The following CNTNAP2 variants were observed in gnomAD, a reference collection of about 807,000 sequenced individuals.
CNTNAP2 encodes contactin associated protein 2, also known as contactin-associated protein-like 2.
CNTNAP2 carries 98 observed loss-of-function variants against 155.2 expected under a neutral mutation model. That is an observed-to-expected ratio of 0.63 (90% CI 0.54 to 0.75). CNTNAP2 has a LOEUF of 0.75. Among genes scored for constraint, CNTNAP2 ranks in the 30% least tolerant of loss-of-function variants. The pLI is 0.00. For missense variants in CNTNAP2, 1,727 were observed against 1,688.1 expected (o/e 1.02, Z -0.40); for synonymous variants, 651 against 631.2 (o/e 1.03, Z -0.47).
At chr7:146,947,480 C>CTA (rs1182294049) in intron 3 of CNTNAP2, among the ~76,000 whole-genome samples, 13 of 122,982 alleles carry the variant, frequency 1.1e-4, no homozygotes, top group African/African-American at 3.5e-4. Context: ...TATATATATA[C>CTA]TATATATATA....
intron 4 of CNTNAP2, among the ~76,000 whole-genome samples, chr7:147,053,123 A>G (rs1240700937): frequency 1.3e-5 from 2 of 152,118 alleles, no homozygotes; most frequent in South Asian, 2.1e-4. Flanking sequence ...GATAAGGCTA[A>G]TGATGAAAGT....
intron 3 of CNTNAP2, among the ~76,000 whole-genome samples, chr7:146,915,660 G>C (rs993843900): frequency 2.0e-5 from 3 of 152,050 alleles, no homozygotes; most frequent in African/African-American, 7.2e-5. Flanking sequence ...ACTGATTTTT[G>C]TACATTAATT....
intron 14 of CNTNAP2, among the ~76,000 whole-genome samples, chr7:147,906,915 A>G (rs1799966756): frequency 6.6e-6 from 1 of 152,132 alleles, no homozygotes; most frequent in Non-Finnish European, 1.5e-5. Flanking sequence ...TTTCACAGTT[A>G]CTCAGGGACT....
intron 15 of CNTNAP2, among the ~76,000 whole-genome samples, chr7:148,005,167 A>G (rs1801953230): frequency 6.6e-6 from 1 of 151,952 alleles, no homozygotes; most frequent in Non-Finnish European, 1.5e-5. Flanking sequence ...GCTGGCAACA[A>G]GGTCAGGCTC....
intron 1 of CNTNAP2, among the ~76,000 whole-genome samples, chr7:146,702,576 T>C (rs1800895585): frequency 6.6e-6 from 1 of 152,140 alleles, no homozygotes; most frequent in Admixed American, 6.6e-5. Context: ...ATGTGGCCAA[T>C]GTAAGATATA....
chr7:147,725,838 T>C (rs1304905908), intron 13 of CNTNAP2, among the ~76,000 whole-genome samples: 1 of 152,092 alleles, frequency 6.6e-6, no homozygotes, highest in South Asian at 2.1e-4. Context: ...AGAGCTGCTA[T>C]AGGCCTCTTT....
intron 8 of CNTNAP2, among the ~76,000 whole-genome samples, chr7:147,139,744 T>G (rs1020011555): frequency 1.8e-4 from 27 of 152,076 alleles, no homozygotes; most frequent in African/African-American, 6.3e-4. Flanking sequence ...GAAAGTGACT[T>G]GGGATCAGCT....
intron 15 of CNTNAP2, among the ~76,000 whole-genome samples, chr7:147,985,146 A>C (rs1351600336): frequency 6.8e-6 from 1 of 146,828 alleles, no homozygotes; most frequent in Admixed American, 6.8e-5. Context: ...AAATAAATAA[A>C]TAACTATTTA....
chr7:148,352,629 C>T lies in CNTNAP2; in HGVS notation c.3476-31020C>T, dbSNP rs542366950. On this transcript the variant is annotated intron_variant, in intron 21 of 23. Coordinates refer to ENST00000361727, the MANE Select transcript of CNTNAP2 (RefSeq NM_014141.6). ...CCCTGGGCAGGGGCAGGCTCAGTCT[C>T]CCAGGAGGTTAGAGCTGGAGGCCCT... is the stretch of plus-strand genomic sequence containing the variant. Among the ~76,000 whole-genome samples the T allele has an allele frequency of 3.3e-5, 5 of 152,296 alleles. No individual in the cohort carries two copies. In the South Asian group the frequency reaches 1.0e-3, roughly 32 times the overall value.
chr7:148,137,557 G>A (rs904224571), intron 16 of CNTNAP2, among the ~76,000 whole-genome samples: 3 of 152,152 alleles, frequency 2.0e-5, no homozygotes, highest in Non-Finnish European at 4.4e-5. Context: ...AGCCACTCGG[G>A]AGGTTGAGGC....
chr7:146,756,245 A>AAT, intron 1 of CNTNAP2, among the ~76,000 whole-genome samples: 1 of 151,996 alleles, frequency 6.6e-6, no homozygotes, highest in Non-Finnish European at 1.5e-5. Flanking sequence ...CATGAAAAAA[A>AAT]ATCAAGTGGT....
chr7:146,607,733 C>T (rs750675225), intron 1 of CNTNAP2, among the ~76,000 whole-genome samples: 25 of 152,182 alleles, frequency 1.6e-4, no homozygotes, highest in Middle Eastern at 3.4e-3. Context: ...CTGCCTCTGC[C>T]GCCCAAAGTG....
intron 8 of CNTNAP2, among the ~76,000 whole-genome samples, chr7:147,221,886 C>G (rs1439995495): frequency 6.6e-6 from 1 of 152,116 alleles, no homozygotes; most frequent in Non-Finnish European, 1.5e-5. Flanking sequence ...CTTTTTCTCT[C>G]TCAACACTAA....
intron 13 of CNTNAP2, among the ~76,000 whole-genome samples, chr7:147,712,220 G>C (rs895067908): frequency 6.6e-6 from 1 of 152,156 alleles, no homozygotes; most frequent in Non-Finnish European, 1.5e-5. Context: ...CAGTTAGAAT[G>C]GCGGTCATTA....
At chr7:147,790,680 T>C (rs1361368748) in intron 13 of CNTNAP2, among the ~76,000 whole-genome samples, 1 of 152,282 alleles carries the variant, frequency 6.6e-6, no homozygotes, top group African/African-American at 2.4e-5. Context: ...ATCATTTCTC[T>C]ACTGTGTCTT....
intron 3 of CNTNAP2, among the ~76,000 whole-genome samples, chr7:146,900,479 G>A (rs964270497): frequency 2.0e-5 from 3 of 152,142 alleles, no homozygotes; most frequent in Non-Finnish European, 4.4e-5. Context: ...ATCCCCAACT[G>A]TTCTAAACCT....
chr7:148,085,771 G>A (rs928289240), intron 15 of CNTNAP2, among the ~76,000 whole-genome samples: 2 of 151,348 alleles, frequency 1.3e-5, no homozygotes, highest in Non-Finnish European at 2.9e-5. Flanking sequence ...CCAGGCTGGA[G>A]TGCAGTGGCA....
At chr7:147,988,522 C>T (rs920554228) in intron 15 of CNTNAP2, among the ~76,000 whole-genome samples, 1 of 152,044 alleles carries the variant, frequency 6.6e-6, no homozygotes, top group Non-Finnish European at 1.5e-5. Context: ...AAATAAAACC[C>T]ATCTGATGAA....
intron 13 of CNTNAP2, among the ~76,000 whole-genome samples, chr7:147,789,528 G>T (rs766178850): frequency 6.8e-4 from 104 of 152,202 alleles, no homozygotes; most frequent in Non-Finnish European, 1.8e-4. Flanking sequence ...TGTACTGACA[G>T]CTTCCAAGCT....
Sources: gnomAD v4.1 joint callset for allele counts (sites outside exome capture counted in the v4.1 genomes callset) on GRCh38, gnomAD v4.1.1 for gene constraint, MANE v1.5 for transcripts, NCBI Gene and HGNC (gene_info 2026-07-23, HGNC 2026-07-21) for gene names.